The following ZHX2 variants were observed in gnomAD, a reference collection of about 807,000 sequenced individuals.
The protein encoded by ZHX2 is zinc fingers and homeoboxes 2.
A neutral mutation model predicts 21.9 loss-of-function variants in ZHX2; 6 were observed. The ratio of observed to expected loss-of-function variants is 0.27; its 90% CI spans 0.15 to 0.54. ZHX2 has a LOEUF of 0.54. Among genes scored for constraint, ZHX2 ranks in the 20% least tolerant of loss-of-function variants. The probability of loss-of-function intolerance (pLI) is 0.95; values close to 1 mark genes in which losing one functional copy is unlikely to be tolerated. For missense variants in ZHX2, 908 were observed against 1,090.7 expected (o/e 0.83, Z 2.36); for synonymous variants, 434 against 437.1 (o/e 0.99, Z 0.09).
chr8:122,944,611 A>G (rs1812923836), intron 2 of ZHX2, among the ~76,000 whole-genome samples: 1 of 152,020 alleles, frequency 6.6e-6, no homozygotes, highest in African/African-American at 2.4e-5. Flanking sequence ...ACTCTCCTCC[A>G]TGGTGAGCTC....
intron 1 of ZHX2, among the ~76,000 whole-genome samples, chr8:122,837,922 A>C (rs1319324971): frequency 3.9e-5 from 6 of 152,202 alleles, no homozygotes; most frequent in African/African-American, 7.2e-5. Context: ...TCCTTCTCAG[A>C]TTACTGATCC....
chr8:122,781,626 T>G (rs1817286496), upstream of ZHX2: 1 of 152,530 alleles, frequency 6.6e-6, no homozygotes, highest in African/African-American at 2.4e-5. This position sits in a 1 kb window ranked among gnomAD's most constrained non-coding sequence, Gnocchi z 4.6. Context: ...TGGTATCGTA[T>G]GCAAATACGC....
intron 1 of ZHX2, among the ~76,000 whole-genome samples, chr8:122,847,887 A>T (rs770205976): frequency 6.6e-6 from 1 of 152,166 alleles, no homozygotes; most frequent in Non-Finnish European, 1.5e-5. Flanking sequence ...TTGAGGGGAG[A>T]CAGGCAGCAC....
Position 122,789,698 on chromosome 8 carries a change from A to G in ZHX2, c.-283+7752A>G, listed in dbSNP as rs183328515. 5.1e-3 allele frequency among the ~76,000 whole-genome samples: 781 copies of G among 152,356 alleles called. 6 individuals carry two copies. The highest frequency in any genetic ancestry group is 0.014 in the Middle Eastern group (4 of 294). Reference sequence around the variant, plus strand: ...ACTGACAGATAGAAGCTGGAGAAAGAGACTGCCCTCTGGCCAAGACATTAA... The same window carrying G: ...ACTGACAGATAGAAGCTGGAGAAAGGGACTGCCCTCTGGCCAAGACATTAA... On this transcript the variant is annotated intron_variant, in intron 1 of 3. Coordinates refer to ENST00000314393, the MANE Select transcript of ZHX2 (RefSeq NM_014943.5).
intron 2 of ZHX2, among the ~76,000 whole-genome samples, chr8:122,944,680 C>T (rs770051880): frequency 2.6e-5 from 4 of 152,324 alleles, no homozygotes; most frequent in Non-Finnish European, 5.9e-5. Flanking sequence ...AGAACAGCAT[C>T]TGGCACCACT....
At chr8:122,875,119 G>C (rs1819530983) in intron 2 of ZHX2, among the ~76,000 whole-genome samples, 1 of 78,506 alleles carries the variant, frequency 1.3e-5, no homozygotes, top group Admixed American at 1.8e-4. Context: ...TTAGAGGAAG[G>C]AAAACTCTGT....
At chr8:122,942,200 C>T (rs1405771520) in intron 2 of ZHX2, among the ~76,000 whole-genome samples, 1 of 151,852 alleles carries the variant, frequency 6.6e-6, no homozygotes, top group Non-Finnish European at 1.5e-5. Context: ...ACATATCTAC[C>T]CAGGAGAATG....
intron 1 of ZHX2, chr8:122,815,779 G>A (rs181493149): frequency 6.6e-6 from 1 of 152,362 alleles, no homozygotes; most frequent in East Asian, 1.9e-4. Flanking sequence ...AGCAAACTTT[G>A]TTGTTGTCTT....
chr8:122,827,371 TATTC>T lies in ZHX2; in HGVS notation c.-282-36102_-282-36099del, dbSNP rs531416901. 2.0e-4 allele frequency among the ~76,000 whole-genome samples: 30 copies of T among 152,306 alleles called. No individual in the cohort carries two copies. The South Asian group carries it at 6.2e-3, about 32-fold the overall frequency. ...CTTTTTTTTAACTACCGAGGATTGT[TATTC>T]ATTAATATAATTAATGATGATAACA... is the stretch of plus-strand genomic sequence containing the variant. On this transcript the variant is annotated intron_variant, in intron 1 of 3. Coordinates refer to ENST00000314393, the MANE Select transcript of ZHX2 (RefSeq NM_014943.5).
chr8:122,785,234 G>A (rs764120532), intron 1 of ZHX2, among the ~76,000 whole-genome samples: 15 of 152,158 alleles, frequency 9.9e-5, no homozygotes, highest in Non-Finnish European at 1.8e-4. Context: ...CACTGCATTC[G>A]GCTGCTAGCA....
chr8:122,948,344 C>G (rs547363256), intron 2 of ZHX2, among the ~76,000 whole-genome samples: 1 of 152,212 alleles, frequency 6.6e-6, no homozygotes, highest in South Asian at 2.1e-4. Flanking sequence ...AACATGTCTC[C>G]CACCTCCTTT....
chr8:122,789,068 G>A (rs1046573711), intron 1 of ZHX2, among the ~76,000 whole-genome samples: 3 of 152,232 alleles, frequency 2.0e-5, no homozygotes, highest in African/African-American at 7.2e-5. Flanking sequence ...CAAAGTTGGA[G>A]CCGGAGGAGA....
At chr8:122,900,568 T>C (rs1169068482) in intron 2 of ZHX2, among the ~76,000 whole-genome samples, 2 of 152,198 alleles carry the variant, frequency 1.3e-5, no homozygotes, top group African/African-American at 4.8e-5. Flanking sequence ...CAGTTTCTAG[T>C]TGCAGTGACT....
chr8:122,876,598 A>G (rs1458896258), intron 2 of ZHX2, among the ~76,000 whole-genome samples: 3 of 152,194 alleles, frequency 2.0e-5, no homozygotes, highest in Admixed American at 2.0e-4. Context: ...GGTTACAAGC[A>G]GCAATTGAGG....
intron 3 of ZHX2, among the ~76,000 whole-genome samples, chr8:122,967,908 T>G (rs552585551): frequency 6.6e-6 from 1 of 152,220 alleles, no homozygotes; most frequent in East Asian, 1.9e-4. Context: ...TCCAAAAGAT[T>G]ATGTCTTTTT....
At chr8:122,848,334 AGCCAGAGTCAGCCACAAC>A (rs1431532584) in intron 1 of ZHX2, among the ~76,000 whole-genome samples, 1 of 152,188 alleles carries the variant, frequency 6.6e-6, no homozygotes, top group Non-Finnish European at 1.5e-5. Context: ...CGAAGAAGGC[AGCCAGAGTCAGCCACAAC>A]GCTCATTCCT....
intron 1 of ZHX2, among the ~76,000 whole-genome samples, chr8:122,836,457 T>A (rs12546506): frequency 0.53 from 81,212 of 151,984 alleles, 22,364 homozygotes; most frequent in Admixed American, 0.65. Flanking sequence ...GGCACCTGAC[T>A]TAAGGTTCTT....
intron 1 of ZHX2, among the ~76,000 whole-genome samples, chr8:122,794,278 T>C (rs1485604678): frequency 6.6e-6 from 1 of 152,052 alleles, no homozygotes; most frequent in Non-Finnish European, 1.5e-5. Flanking sequence ...TTCCATCTTT[T>C]TTTTTTTTCT....
intron 2 of ZHX2, among the ~76,000 whole-genome samples, chr8:122,911,384 C>T (rs1820477256): frequency 1.3e-5 from 2 of 152,130 alleles, no homozygotes; most frequent in South Asian, 4.1e-4. Context: ...CCTTCACACC[C>T]TCTTCCCCCA....
Sources: allele counts gnomAD v4.1 joint callset (sites outside exome capture counted in the v4.1 genomes callset), GRCh38; gene constraint gnomAD v4.1.1; non-coding constraint Gnocchi (gnomAD v3.1); transcripts MANE v1.5; gene names NCBI Gene and HGNC (gene_info 2026-07-23, HGNC 2026-07-21).